Variants in NUP188 observed in about 807,000 individuals in gnomAD.
NUP188 encodes nucleoporin NUP188.
In NUP188, 97 loss-of-function variants were observed where a neutral mutation model predicts 223.0. The observed-to-expected ratio is 0.43, with a 90% CI of 0.37 to 0.51. The LOEUF is 0.51. Among genes scored for constraint, NUP188 ranks in the 20% least tolerant of loss-of-function variants. The pLI, the probability that NUP188 is intolerant of heterozygous loss-of-function variation, is 0.00. For synonymous variants in NUP188, 869 were observed against 828.0 expected (o/e 1.05, Z -0.85); for missense variants, 1,947 against 2,175.6 (o/e 0.89, Z 2.09).
Position 128,995,104 on chromosome 9 carries a change from A to T in NUP188, c.3155+181A>T. 6.3e-6 allele frequency: 4 copies of T among 639,422 alleles called. No individual in the cohort carries two copies. The South Asian group carries it at 7.5e-5, about 12-fold the overall frequency. 39.6% of individuals were successfully genotyped at this position (639,422 alleles called of 1,614,324 possible). ...CACCGATGGCATTTATGATTGTCAG[A>T]AAGAGTTATTGTGAAGCAAACTCCA... On this transcript the variant is annotated intron_variant, in intron 29 of 43. Transcript: ENST00000372577.
intron 25 of NUP188, among the ~76,000 whole-genome samples, chr9:128,992,300 C>A (rs1273296989): frequency 6.6e-6 from 1 of 152,204 alleles, no homozygotes; most frequent in Non-Finnish European, 1.5e-5. Context: ...TCATGCGATT[C>A]TCCTGTCTAA....
Position 128,968,736 on chromosome 9 carries a change from C to T in NUP188, c.797+19C>T. ...GGATTGGGTAAGTCAGTGAATTGAA[C>T]ATCATGGAACTTGCAGTGTTTAGAG... is the stretch of plus-strand genomic sequence containing the variant. On this transcript the variant is annotated intron_variant, in intron 9 of 43. Transcript: ENST00000372577. The T allele has an allele frequency of 1.3e-6, 2 of 1,568,568 alleles. No individual in the cohort carries two copies. Among genetic ancestry groups the T allele is most frequent in the Non-Finnish European group, 1.8e-6 (2 of 1,138,700 alleles).
intron 5 of NUP188, 133 bp downstream of exon 5, chr9:128,957,165 C>T: frequency 1.7e-6 from 1 of 581,586 alleles, no homozygotes; most frequent in Non-Finnish European, 3.0e-6. Context: ...CAGGGAAGAC[C>T]TACTAAAGGC....
chr9:128,998,176 C>T lies in NUP188; in HGVS notation c.3377C>T (p.Ser1126Phe). The change falls in exon 31 of 44, where the codon TCT becomes TTT. Residue 1126 changes from serine to phenylalanine, a missense_variant. Coordinates refer to ENST00000372577, the MANE Select transcript of NUP188 (RefSeq NM_015354.3). ...GCAGATATAATGCACCTGACTGACT[C>T]TGTGGTGCGTCGCCAGCTCTTTCTT... ...THADIMHLTD[S>F]VVRRQLFLDV... The T allele has an allele frequency of 6.2e-7, 1 of 1,613,934 alleles. No homozygotes were observed. Among genetic ancestry groups the T allele is most frequent in the East Asian group, 2.2e-5 (1 of 44,882 alleles).
intron 19 of NUP188, 80 bp from the exon 20 acceptor site, chr9:128,984,820 T>C: frequency 2.2e-6 from 2 of 915,326 alleles, no homozygotes; most frequent in Non-Finnish European, 3.4e-6. Flanking sequence ...ATCTAGACTA[T>C]AACAAGAATG....
chr9:128,966,413 G>A (rs1028531341), intron 8 of NUP188, among the ~76,000 whole-genome samples: 1 of 151,428 alleles, frequency 6.6e-6, no homozygotes, highest in African/African-American at 2.4e-5. Context: ...TTCTTTCTCT[G>A]TTGCCCAGGC....
At chr9:129,003,546 A>G (rs758403819) in intron 38 of NUP188, 92 bp downstream of exon 38, 1 of 1,433,634 alleles carries the variant, frequency 7.0e-7, no homozygotes. Flanking sequence ...AGTGAATTGC[A>G]GGATGTTCCT....
In NUP188 at chr9:128,973,201, C is replaced by T. The variant is rs746238088; in HGVS notation, c.1155C>T (p.Leu385=). The T allele has an allele frequency of 1.2e-6, 2 of 1,613,590 alleles. No individual in the cohort carries two copies. Among genetic ancestry groups the T allele is most frequent in the Non-Finnish European group, 1.7e-6 (2 of 1,179,978 alleles). ...CATGCATGTGTGTCTATGGACTGCT[C>T]TCTTTCGTTCTGACCTCGTTGGAGC... ...STACMCVYGL[L]SFVLTSLELH... Residue 385 remains leucine, a synonymous_variant, in exon 12 of 44, where the codon CTC becomes CTT. Coordinates refer to ENST00000372577, the MANE Select transcript of NUP188 (RefSeq NM_015354.3).
intron 30 of NUP188, among the ~76,000 whole-genome samples, chr9:128,995,748 C>T (rs1842514068): frequency 6.6e-6 from 1 of 152,150 alleles, no homozygotes; most frequent in South Asian, 2.1e-4. Context: ...TTCAGAGTTC[C>T]TAAAGCCTCC....
At position 128,990,157 on chromosome 9, in the gene NUP188, A is replaced by G. The variant is rs758825786; in HGVS notation, c.2571A>G (p.Lys857=). 1.2e-6 allele frequency: 2 copies of G among 1,614,210 alleles called. No homozygotes were observed. Among genetic ancestry groups the G allele is most frequent in the South Asian group, 2.2e-5 (2 of 91,090 alleles). The change falls in exon 25 of 44, where the codon AAA becomes AAG. Residue 857 remains lysine, a synonymous_variant. Coordinates refer to ENST00000372577, the MANE Select transcript of NUP188 (RefSeq NM_015354.3). ...ACAACCTCATTGCTGTTCTAGCCAAATACATCTACCACAAACATGACCCTG... is the reference window on the plus strand; with the variant it reads ...ACAACCTCATTGCTGTTCTAGCCAAGTACATCTACCACAAACATGACCCTG... ...HGNNLIAVLA[K]YIYHKHDPAL...
rs1386515990 is a variant in NUP188 at position 128,993,640 on chromosome 9, T to C, written c.2963T>C (p.Leu988Ser). 3 of 1,614,116 alleles carry C rather than the reference T, an allele frequency of 1.9e-6. No individual in the cohort carries two copies. The East Asian group carries it at 6.7e-5, about 36-fold the overall frequency. The change falls in exon 27 of 44, where the codon TTG (leucine) becomes TCG (serine). Residue 988 changes from leucine (L) to serine (S), a missense_variant. Physicochemically the swap from Leu to Ser is moderately radical, Grantham distance 145 (BLOSUM62 -2). This residue lies in a region of NUP188 where 905 missense variants were observed against 990.6 expected (regional missense o/e 0.91). Coordinates refer to ENST00000372577, the MANE Select transcript of NUP188 (RefSeq NM_015354.3). ...CTGCATCGTGCCGCCATTGCCTTTTTGCATGCTCTGTGGCAGGATCGGAGG... is the reference window on the plus strand; with the variant it reads ...CTGCATCGTGCCGCCATTGCCTTTTCGCATGCTCTGTGGCAGGATCGGAGG... The part of the protein sequence containing the change: ...PLLHRAAIAF[L>S]HALWQDRRDS...
At chr9:128,949,108 G>C in intron 1 of NUP188, 81 bp from the exon 2 acceptor site, 1 of 998,454 alleles carries the variant, frequency 1.0e-6, no homozygotes, top group East Asian at 2.4e-5. Flanking sequence ...CTTTTAGAGA[G>C]CAGACAAAAT....
At chr9:128,968,408 G>A (rs923680033) in intron 8 of NUP188, 98 bp from the exon 9 acceptor site, 2 of 873,144 alleles carry the variant, frequency 2.3e-6, no homozygotes, top group African/African-American at 3.3e-5. Context: ...CTGTATCCTG[G>A]GTGACAGATT....
intron 30 of NUP188, 106 bp downstream of exon 30, chr9:128,995,620 A>G (rs1474749121): frequency 1.0e-6 from 1 of 991,472 alleles, no homozygotes; most frequent in African/African-American, 1.6e-5. Flanking sequence ...ATCAGGGTTT[A>G]TCCCTGAGAG....
At position 128,990,685 on chromosome 9, in the gene NUP188, A is replaced by G. The variant is rs571827347; in HGVS notation, c.2640+459A>G. ...CAAGACCATCCTGGCTAATACGGTG[A>G]AACCCCTTCTCTACTGAAAAATACA... On this transcript the variant is annotated intron_variant, in intron 25 of 43. Transcript: ENST00000372577. Among the ~76,000 whole-genome samples the G allele has an allele frequency of 9.8e-5, 15 of 152,366 alleles. No homozygotes were observed. The South Asian group carries it at 2.9e-3, about 29-fold the overall frequency.
At chr9:128,983,945 C>T (rs1842292984) in intron 19 of NUP188, among the ~76,000 whole-genome samples, 1 of 152,024 alleles carries the variant, frequency 6.6e-6, no homozygotes, top group Non-Finnish European at 1.5e-5. Flanking sequence ...CTCAGCCTCC[C>T]CGGTAGCCAG....
At chr9:128,972,352 T>C (rs1425878353) in intron 11 of NUP188, among the ~76,000 whole-genome samples, 2 of 152,220 alleles carry the variant, frequency 1.3e-5, no homozygotes. Flanking sequence ...GGCTTCATAG[T>C]ATATGATTCC....
At chr9:128,973,115 A>G in intron 11 of NUP188, 45 bp from the exon 12 acceptor site, 3 of 1,222,004 alleles carry the variant, frequency 2.5e-6, no homozygotes, top group Non-Finnish European at 3.6e-6. Flanking sequence ...CCTGGGGAAG[A>G]GTTGTATTAC....
At chr9:128,958,201 A>G (rs1003551454) in intron 6 of NUP188, 147 bp downstream of exon 6, 1 of 624,718 alleles carries the variant, frequency 1.6e-6, no homozygotes, top group Middle Eastern at 4.0e-4. Flanking sequence ...CATTTATGAA[A>G]AGATGCTTTT....
Sources: allele counts gnomAD v4.1 joint callset (sites outside exome capture counted in the v4.1 genomes callset), GRCh38; gene constraint gnomAD v4.1.1; regional missense constraint gnomAD v4.1.1; transcripts MANE v1.5; gene names NCBI Gene and HGNC (gene_info 2026-07-23, HGNC 2026-07-21).